The following ETNPPL variants were observed in gnomAD, a reference collection of about 807,000 sequenced individuals.
ETNPPL encodes ethanolamine-phosphate phospho-lyase.
A neutral mutation model predicts 55.5 loss-of-function variants in ETNPPL; 30 were observed. That is an observed-to-expected ratio of 0.54 (90% CI 0.40 to 0.73). ETNPPL has a LOEUF of 0.73. Ranked by LOEUF, ETNPPL falls within the 30% of genes least tolerant of loss-of-function variation. The pLI is 0.00. For synonymous variants in ETNPPL, 202 were observed against 207.2 expected, an observed-to-expected ratio of 0.98 and a Z score of 0.21; for missense variants, 528 against 607.9, an observed-to-expected ratio of 0.87 and a Z score of 1.38.
Position 108,750,918 on chromosome 4 carries a change from C to A in ETNPPL, c.701+18G>T. The stretch of plus-strand genomic sequence containing the variant: ...AGTGCTCTCAGTTTGACCAAGGAGG[C>A]CCAAGTCAAGTACATACTCTGCCAC... On this transcript the variant is annotated intron_variant, in intron 7 of 12. Coordinates refer to ENST00000296486, the MANE Select transcript of ETNPPL (RefSeq NM_031279.4). 6.3e-7 allele frequency: 1 copy of A among 1,590,828 alleles called. No homozygotes were observed. Among genetic ancestry groups the A allele is most frequent in the Non-Finnish European group, 8.6e-7 (1 of 1,159,424 alleles).
In ETNPPL at chr4:108,746,836, A is replaced by G. The variant is rs1728526815; in HGVS notation, c.1098T>C (p.Phe366=). Reference sequence around the variant, plus strand: ...GGTCCTTCACTAAATCAATTCCAATAAAAAGGCCAATGCCCCTGCGAGAGG... The same window carrying G: ...GGTCCTTCACTAAATCAATTCCAATGAAAAGGCCAATGCCCCTGCGAGAGG... ...LIGDIRGIGL[F]IGIDLVKDHL... Residue 366 remains phenylalanine, a synonymous_variant, in exon 10 of 13, where the codon TTT becomes TTC. Transcript: ENST00000296486. 2 of 1,613,178 alleles carry G rather than the reference A, an allele frequency of 1.2e-6. No homozygotes were observed. Among genetic ancestry groups the G allele is most frequent in the Admixed American group, 1.7e-5 (1 of 59,936 alleles).
chr4:108,744,088 C>G (rs1728347983), intron 11 of ETNPPL, among the ~76,000 whole-genome samples: 1 of 152,062 alleles, frequency 6.6e-6, no homozygotes, highest in African/African-American at 2.4e-5. Flanking sequence ...TGGTGAAACC[C>G]CGTCTTTACT....
Position 108,749,452 on chromosome 4 carries a change from C to T in ETNPPL, c.713G>A (p.Gly238Asp), listed in dbSNP as rs750948394. ...ATCAGCTATAAACACACCCCCTGCA[C>T]CGTGTACATATCTGAAAAGCAAAGC... ...YFQKVAEYVH[G>D]AGGVFIADEV... The change falls in exon 8 of 13, where the codon GGT (glycine) becomes GAT (aspartate). Residue 238 changes from glycine (G) to aspartate (D), a missense_variant. Coordinates refer to ENST00000296486, the MANE Select transcript of ETNPPL (RefSeq NM_031279.4). 3 of 1,613,630 alleles carry T rather than the reference C, an allele frequency of 1.9e-6. No homozygotes were observed. Among genetic ancestry groups the T allele is most frequent in the African/African-American group, 1.3e-5 (1 of 74,886 alleles).
chr4:108,746,592 A>G, intron 10 of ETNPPL, 63 bp from the exon 11 acceptor site: 5 of 1,564,552 alleles, frequency 3.2e-6, no homozygotes, highest in Non-Finnish European at 4.4e-6. Flanking sequence ...CTGAAGAATT[A>G]TGTGAACATA....
intron 11 of ETNPPL, 133 bp from the exon 12 acceptor site, chr4:108,743,989 G>T (rs1422239482): frequency 2.8e-5 from 18 of 642,622 alleles, no homozygotes; most frequent in Non-Finnish European, 4.9e-5. Flanking sequence ...TGGGCTGGGC[G>T]CTGTGGCTCA....
In ETNPPL at chr4:108,748,043, T is replaced by C. The variant is rs1560651481; in HGVS notation, c.1044A>G (p.Lys348=). The part of the protein sequence containing the change: ...RVGNYLTELL[K]KQKAKHTLIG... ...TCAAAGTGTGTTTAGCCTTCTGTTTTTTCAGTAACTCAGTGAGATAATTCC... is the reference window on the plus strand; with the variant it reads ...TCAAAGTGTGTTTAGCCTTCTGTTTCTTCAGTAACTCAGTGAGATAATTCC... Residue 348 remains lysine, a synonymous_variant, in exon 9 of 13, where the codon AAA becomes AAG. Coordinates refer to ENST00000296486, the MANE Select transcript of ETNPPL (RefSeq NM_031279.4). 1 of 1,611,522 alleles carries C rather than the reference T, an allele frequency of 6.2e-7. No individual in the cohort carries two copies. Among genetic ancestry groups the C allele is most frequent in the East Asian group, 2.2e-5 (1 of 44,816 alleles).
intron 3 of ETNPPL, among the ~76,000 whole-genome samples, chr4:108,758,710 C>T (rs572913358): frequency 7.2e-5 from 11 of 152,356 alleles, no homozygotes; most frequent in East Asian, 5.8e-4. Context: ...GACCCCGAGG[C>T]GCTGCTGGTG....
intron 11 of ETNPPL, 47 bp from the exon 12 acceptor site, chr4:108,743,903 C>A: frequency 7.3e-7 from 1 of 1,371,998 alleles, no homozygotes; most frequent in Non-Finnish European, 1.0e-6. Flanking sequence ...ACATAAAAAC[C>A]TTAAGAAAAA....
intron 9 of ETNPPL, among the ~76,000 whole-genome samples, chr4:108,747,207 TAATATATATATATATATTATA>T (rs1728627203): frequency 7.7e-5 from 1 of 12,910 alleles, no homozygotes; most frequent in Non-Finnish European, 1.2e-4. Context: ...TATATATATA[TAATATATATATATATATTATA>T]TATATATATA....
chr4:108,762,564 C>A, intron 1 of ETNPPL: 1 of 628,350 alleles, frequency 1.6e-6, no homozygotes, highest in Non-Finnish European at 2.9e-6. Flanking sequence ...CATCCACCAA[C>A]CCCTCTAGCC....
At chr4:108,744,065 A>G (rs180819828) in intron 11 of ETNPPL, among the ~76,000 whole-genome samples, 1 of 152,328 alleles carries the variant, frequency 6.6e-6, no homozygotes, top group Admixed American at 6.5e-5. Flanking sequence ...GTTTGAGACC[A>G]GCCTGGCCAA....
rs1341382628 is a variant in ETNPPL at position 108,762,695 on chromosome 4, G to A, written c.56+148C>T. On this transcript the variant is annotated intron_variant, in intron 1 of 12. Coordinates refer to ENST00000296486, the MANE Select transcript of ETNPPL (RefSeq NM_031279.4). ...GGGAGTCCGCGCGGCCCCTGCAGGT[G>A]GAGGCGCGCGGGGCGCGTGCACAGG... 4 of 999,954 alleles carry A rather than the reference G, an allele frequency of 4.0e-6. No individual in the cohort carries two copies. In the African/African-American group the frequency reaches 4.8e-5, roughly 12 times the overall value. 61.9% of individuals were successfully genotyped at this position (999,954 alleles called of 1,614,324 possible).
intron 4 of ETNPPL, 177 bp from the exon 5 acceptor site, chr4:108,754,887 T>C: frequency 1.8e-6 from 1 of 546,974 alleles, no homozygotes; most frequent in Non-Finnish European, 3.2e-6. Context: ...TGGCCCTTAA[T>C]GTGTACAATT....
Position 108,750,914 on chromosome 4 carries a change from GA to G in ETNPPL, c.701+21del, listed in dbSNP as rs747552431. 9 of 1,567,404 alleles carry G rather than the reference GA, an allele frequency of 5.7e-6. No individual in the cohort carries two copies. The Admixed American group carries it at 1.5e-4, about 26-fold the overall frequency. On this transcript the variant is annotated intron_variant, in intron 7 of 12. Transcript: ENST00000296486. ...TCACAGTGCTCTCAGTTTGACCAAG[GA>G]GGCCCAAGTCAAGTACATACTCTGC...
chr4:108,749,363 C>T lies in ETNPPL; in HGVS notation c.802G>A (p.Asp268Asn). The change falls in exon 8 of 13, where the codon GAC becomes AAC. Residue 268 changes from aspartate to asparagine, a missense_variant. Asp to Asn is a conservative substitution (Grantham distance 23). Coordinates refer to ENST00000296486, the MANE Select transcript of ETNPPL (RefSeq NM_031279.4). ...HFWSFQMYGE[D>N]FVPDIVTMGK... ...ATTGTGACGATGTCTGGAACAAAGT[C>T]TTCACCATACATCTGGAAGCTCCAG... The T allele has an allele frequency of 6.2e-7, 1 of 1,614,054 alleles. No homozygotes were observed. The highest frequency in any genetic ancestry group is 8.5e-7 in the Non-Finnish European group (1 of 1,179,970).
At chr4:108,760,727 A>G (rs760833176) in intron 1 of ETNPPL, among the ~76,000 whole-genome samples, 2 of 152,196 alleles carry the variant, frequency 1.3e-5, no homozygotes, top group Non-Finnish European at 2.9e-5. Flanking sequence ...CAACAATCCT[A>G]TGAAAGAGAG....
At chr4:108,745,133 C>T (rs1728408477) in intron 11 of ETNPPL, among the ~76,000 whole-genome samples, 1 of 151,908 alleles carries the variant, frequency 6.6e-6, no homozygotes. Flanking sequence ...ACTTTCTAAT[C>T]CAATGTATGT....
intron 1 of ETNPPL, 99 bp from the exon 2 acceptor site, chr4:108,760,405 T>C (rs979706699): frequency 1.5e-5 from 9 of 587,808 alleles, no homozygotes; most frequent in East Asian, 5.2e-5. Context: ...TACAGTTACA[T>C]AAAGGAAAGG....
chr4:108,746,389 A>T lies in ETNPPL; in HGVS notation c.1303+10T>A. On this transcript the variant is annotated intron_variant, in intron 11 of 12. Coordinates refer to ENST00000296486, the MANE Select transcript of ETNPPL (RefSeq NM_031279.4). ...GAACAAGAAGACATCTTAAAGATCC[A>T]TGGACCCACCTGTTAGAATCCTATC... 3 of 1,610,612 alleles carry T rather than the reference A, an allele frequency of 1.9e-6. No homozygotes were observed. The highest frequency in any genetic ancestry group is 2.5e-6 in the Non-Finnish European group (3 of 1,178,662).
Sources: allele counts gnomAD v4.1 joint callset (sites outside exome capture counted in the v4.1 genomes callset), GRCh38; gene constraint gnomAD v4.1.1; transcripts MANE v1.5; gene names NCBI Gene and HGNC (gene_info 2026-07-23, HGNC 2026-07-21).